Variants in MAD1L1 observed in about 807,000 individuals in gnomAD.
The protein encoded by MAD1L1 is mitotic arrest deficient 1 like 1.
MAD1L1 carries 95 observed loss-of-function variants against 96.9 expected under a neutral mutation model. The ratio of observed to expected loss-of-function variants is 0.98; its 90% CI spans 0.83 to 1.16. The LOEUF is 1.16. Ranked by LOEUF, MAD1L1 falls within the 50% of genes most tolerant of loss-of-function variation. The pLI is 0.00. For missense variants in MAD1L1, 1,007 were observed against 954.4 expected (o/e 1.06, Z -0.73); for synonymous variants, 473 against 396.6 (o/e 1.19, Z -2.29).
At chr7:1,872,053 A>C (rs1466416847) in intron 18 of MAD1L1, among the ~76,000 whole-genome samples, 1 of 152,104 alleles carries the variant, frequency 6.6e-6, no homozygotes, top group African/African-American at 2.4e-5. Flanking sequence ...TCCTGCTGAC[A>C]GATACAGGCC....
chr7:1,997,738 G>C (rs1781620604), intron 14 of MAD1L1, among the ~76,000 whole-genome samples: 1 of 152,260 alleles, frequency 6.6e-6, no homozygotes, highest in Non-Finnish European at 1.5e-5. Context: ...GAGGCCACTG[G>C]CCTTCAGGCA....
intron 17 of MAD1L1, among the ~76,000 whole-genome samples, chr7:1,907,214 G>A (rs372305272): frequency 2.0e-5 from 3 of 152,036 alleles, no homozygotes; most frequent in African/African-American, 7.2e-5. Flanking sequence ...CCTGTCCCAC[G>A]GTCCCCCAGC....
chr7:2,116,517 T>G (rs774971209), intron 11 of MAD1L1, among the ~76,000 whole-genome samples: 52 of 87,136 alleles, frequency 6.0e-4, no homozygotes, highest in Admixed American at 1.1e-3. Flanking sequence ...AGACCCCAGG[T>G]GGGCAGGGCC....
chr7:2,086,546 CT>C (rs1201067229), intron 11 of MAD1L1, among the ~76,000 whole-genome samples: 5 of 152,196 alleles, frequency 3.3e-5, no homozygotes, highest in Non-Finnish European at 7.3e-5. Context: ...GCCACAATTG[CT>C]CTTTTTCTTT....
At chr7:1,837,530 A>G (rs1412615576) in intron 18 of MAD1L1, among the ~76,000 whole-genome samples, 2 of 152,264 alleles carry the variant, frequency 1.3e-5, no homozygotes, top group Non-Finnish European at 2.9e-5. Flanking sequence ...AACAGCCCCA[A>G]GCTGGAAGCC....
At chr7:2,153,880 G>A (rs556952466) in intron 10 of MAD1L1, among the ~76,000 whole-genome samples, 66 of 152,358 alleles carry the variant, frequency 4.3e-4, no homozygotes, top group South Asian at 1.2e-3. Flanking sequence ...GAGCTGGGCC[G>A]AGCGCGGTGG....
intron 17 of MAD1L1, among the ~76,000 whole-genome samples, chr7:1,915,002 G>A (rs1296042096): frequency 1.3e-5 from 2 of 152,130 alleles, no homozygotes; most frequent in African/African-American, 2.4e-5. Context: ...GTGGGCCTCT[G>A]GTTTTCCAGA....
At chr7:2,016,373 G>A (rs1166621087) in intron 12 of MAD1L1, among the ~76,000 whole-genome samples, 1 of 152,198 alleles carries the variant, frequency 6.6e-6, no homozygotes, top group Non-Finnish European at 1.5e-5. Flanking sequence ...GGCCCTGATA[G>A]AGACCAGCTC....
At position 1,956,005 on chromosome 7, in the gene MAD1L1, G is replaced by C. The variant is rs1025070302; in HGVS notation, c.1596+1624C>G. On this transcript the variant is annotated intron_variant, in intron 16 of 18. Transcript: ENST00000265854. Reference sequence around the variant, plus strand: ...GTGGGTGGGGGGGTGGGGTGGCAGGGGGGAGCGGGAGGCCGACAAGCAGGC... The same window carrying C: ...GTGGGTGGGGGGGTGGGGTGGCAGGCGGGAGCGGGAGGCCGACAAGCAGGC... Among the ~76,000 whole-genome samples, 12 of 151,996 alleles carry C rather than the reference G, an allele frequency of 7.9e-5. No homozygotes were observed. The East Asian group carries it at 2.3e-3, about 30-fold the overall frequency.
intron 18 of MAD1L1, among the ~76,000 whole-genome samples, chr7:1,844,734 A>AG (rs1324804061): frequency 6.6e-6 from 1 of 152,140 alleles, no homozygotes; most frequent in Admixed American, 6.5e-5. Context: ...GCACTGACAG[A>AG]GGGGACCCGT....
intron 11 of MAD1L1, among the ~76,000 whole-genome samples, chr7:2,090,870 G>A (rs901953758): frequency 2.6e-5 from 4 of 152,308 alleles, no homozygotes; most frequent in African/African-American, 4.8e-5. Flanking sequence ...AGGAGGTCAC[G>A]GAGCCTGGCC....
chr7:2,057,247 C>G (rs1402213540), intron 12 of MAD1L1, among the ~76,000 whole-genome samples: 1 of 152,222 alleles, frequency 6.6e-6, no homozygotes, highest in Non-Finnish European at 1.5e-5. Context: ...GGGGAATGAC[C>G]GAGCGCGGTG....
intron 17 of MAD1L1, among the ~76,000 whole-genome samples, chr7:1,913,186 T>C (rs867661310): frequency 3.9e-5 from 6 of 152,246 alleles, no homozygotes; most frequent in South Asian, 4.1e-4. Flanking sequence ...TCCTATGTAA[T>C]GAACTCTTCA....
At chr7:2,047,032 GCTCCCGGGTTGAA>G (rs1297647050) in intron 12 of MAD1L1, among the ~76,000 whole-genome samples, 1 of 152,208 alleles carries the variant, frequency 6.6e-6, no homozygotes, top group Admixed American at 6.5e-5. Flanking sequence ...CCCAATGCCA[GCTCCCGGGTTGAA>G]CTCCTGGGTT....
intron 10 of MAD1L1, among the ~76,000 whole-genome samples, chr7:2,181,448 A>T (rs570325732): frequency 6.6e-6 from 1 of 152,394 alleles, no homozygotes; most frequent in African/African-American, 2.4e-5. Context: ...GCTAAATATC[A>T]TTAATTATCA....
intron 18 of MAD1L1, among the ~76,000 whole-genome samples, chr7:1,885,776 C>CCCTGTCTCGGCCCTTCCAGT (rs1463525212): frequency 2.6e-5 from 4 of 152,222 alleles, no homozygotes; most frequent in Non-Finnish European, 4.4e-5. Context: ...CAGAGCCTCT[C>CCCTGTCTCGGCCCTTCCAGT]CCTGTCTCGG....
At chr7:2,223,409 C>G (rs1315165197) in intron 4 of MAD1L1, 2 of 152,330 alleles carry the variant, frequency 1.3e-5, no homozygotes, top group Non-Finnish European at 2.9e-5. Flanking sequence ...CGCAGGCCCT[C>G]CAGAGTTCAC....
At chr7:2,229,898 AC>A in intron 3 of MAD1L1, 85 bp downstream of exon 3, 1 of 1,432,252 alleles carries the variant, frequency 7.0e-7, no homozygotes, top group Non-Finnish European at 9.5e-7. Flanking sequence ...ATACCGACCC[AC>A]CTCAACTACA....
chr7:2,074,553 C>G (rs561668142), intron 11 of MAD1L1, among the ~76,000 whole-genome samples: 1 of 152,350 alleles, frequency 6.6e-6, no homozygotes, highest in Non-Finnish European at 1.5e-5. Context: ...CTAGGCGCTA[C>G]GGAATCTGCA....
Sources: allele counts gnomAD v4.1 joint callset (sites outside exome capture counted in the v4.1 genomes callset), GRCh38; gene constraint gnomAD v4.1.1; transcripts MANE v1.5; gene names NCBI Gene and HGNC (gene_info 2026-07-23, HGNC 2026-07-21).